TCF4: variants seen among roughly 807,000 people sequenced by gnomAD.
TCF4 encodes the protein transcription factor 4.
TCF4 carries 3 observed loss-of-function variants against 82.1 expected under a neutral mutation model. The ratio of observed to expected loss-of-function variants is 0.04; its 90% CI spans 0.02 to 0.09. The LOEUF (loss-of-function observed/expected upper bound fraction) is 0.09, where lower values mean the gene tolerates loss of function less well. Ranked by LOEUF, TCF4 falls within the 10% of genes least tolerant of loss-of-function variation. The pLI is 1.00. For missense variants in TCF4, 518 were observed against 852.7 expected (o/e 0.61, Z 4.89); for synonymous variants, 276 against 309.6 (o/e 0.89, Z 1.14).
intron 14 of TCF4, among the ~76,000 whole-genome samples, chr18:55,256,525 C>A (rs2056883815): frequency 6.6e-6 from 1 of 152,016 alleles, no homozygotes; most frequent in Non-Finnish European, 1.5e-5. Context: ...TTCAGATTTT[C>A]CTTAAGATTA....
chr18:55,491,638 C>T (rs552176588), intron 3 of TCF4, among the ~76,000 whole-genome samples: 23 of 152,248 alleles, frequency 1.5e-4, no homozygotes, highest in Admixed American at 2.6e-4. Flanking sequence ...TCACATACCG[C>T]GCTCACACAC....
At chr18:55,249,142 T>G (rs1020698536) in intron 15 of TCF4, among the ~76,000 whole-genome samples, 2 of 152,182 alleles carry the variant, frequency 1.3e-5, no homozygotes, top group Non-Finnish European at 2.9e-5. Flanking sequence ...TGGGCTGATT[T>G]CCAGGGTACT....
rs560098914 is a variant in TCF4 at position 55,371,715 on chromosome 18, A to T, written c.370-20712T>A. On this transcript the variant is annotated intron_variant, in intron 6 of 19. Transcript: ENST00000354452. ...TTCCACTGGGAAGTCTGACATAGAG[A>T]CGCCTCTCCCCAGGTTCCTCTGCAC... Among the ~76,000 whole-genome samples the T allele has an allele frequency of 3.7e-4, 56 of 152,150 alleles. No homozygotes were observed. The South Asian group carries it at 0.011, about 31-fold the overall frequency.
intron 8 of TCF4, chr18:55,302,641 C>T: frequency 4.7e-6 from 7 of 1,494,342 alleles, no homozygotes; most frequent in Non-Finnish European, 3.6e-6. Context: ...CCGCAGATGT[C>T]CGCTGTGAGG....
intron 13 of TCF4, among the ~76,000 whole-genome samples, chr18:55,258,451 T>C (rs2057363482): frequency 6.6e-6 from 1 of 152,120 alleles, no homozygotes; most frequent in South Asian, 2.1e-4. Flanking sequence ...TGACTGTGCA[T>C]CCTAATTTTT....
At chr18:55,294,008 C>T (rs1382327005) in intron 8 of TCF4, among the ~76,000 whole-genome samples, 1 of 122,796 alleles carries the variant, frequency 8.1e-6, no homozygotes, top group African/African-American at 3.1e-5. Context: ...GCCTGTAATC[C>T]CAGGACTTTG....
At position 55,260,045 on chromosome 18, in the gene TCF4, A is replaced by G. The variant is rs752369377; in HGVS notation, c.991-18T>C. 11 of 1,498,412 alleles carry G rather than the reference A, an allele frequency of 7.3e-6. No individual in the cohort carries two copies. The highest frequency in any genetic ancestry group is 1.0e-5 in the Non-Finnish European group (11 of 1,086,100). The allele number at this position is 1,498,412 out of a possible 1,614,324, so 92.8% of individuals were successfully genotyped here. On this transcript the variant is annotated intron_variant, in intron 12 of 19. Transcript: ENST00000354452. The stretch of plus-strand genomic sequence containing the variant: ...GAATAGATCTTAAAACAATAAGGAG[A>G]AAAAAAAAACACCCTCATTCATTAA...
intron 6 of TCF4, among the ~76,000 whole-genome samples, chr18:55,385,362 T>C (rs765656036): frequency 2.0e-5 from 3 of 152,214 alleles, no homozygotes; most frequent in Non-Finnish European, 4.4e-5. Context: ...AAGAGGCCAA[T>C]CTGCCTGCCA....
chr18:55,593,668 G>GTGTTAAAATAAACA (rs1383901387), intron 2 of TCF4, among the ~76,000 whole-genome samples: 3 of 152,020 alleles, frequency 2.0e-5, no homozygotes, highest in Admixed American at 2.0e-4. Flanking sequence ...TGTTCTCCCC[G>GTGTTAAAATAAACA]AGTCCCACCT....
intron 3 of TCF4, among the ~76,000 whole-genome samples, chr18:55,481,850 A>T (rs557853458): frequency 2.0e-5 from 3 of 152,226 alleles, no homozygotes; most frequent in Non-Finnish European, 4.4e-5. Flanking sequence ...CGTTATGAAC[A>T]ATCTTTAAAT....
chr18:55,251,744 T>C (rs1280589383), intron 15 of TCF4, among the ~76,000 whole-genome samples: 5 of 152,136 alleles, frequency 3.3e-5, no homozygotes, highest in African/African-American at 7.2e-5. Flanking sequence ...CGAAGGTGTG[T>C]AGTTGGGAAT....
chr18:55,583,290 T>C (rs1201431766), intron 3 of TCF4, among the ~76,000 whole-genome samples: 1 of 152,158 alleles, frequency 6.6e-6, no homozygotes, highest in African/African-American at 2.4e-5. Flanking sequence ...ACATGACTTA[T>C]TAAGAGTGAA....
chr18:55,236,489 C>G (rs923310351), intron 15 of TCF4, among the ~76,000 whole-genome samples: 1 of 151,686 alleles, frequency 6.6e-6, no homozygotes, highest in African/African-American at 2.4e-5. Context: ...ACCCTGTTGC[C>G]TGCCACACCA....
intron 8 of TCF4, among the ~76,000 whole-genome samples, chr18:55,302,788 G>T: frequency 6.6e-6 from 1 of 152,158 alleles, no homozygotes; most frequent in South Asian, 2.1e-4. Flanking sequence ...TCTGGAGCCC[G>T]TTTAGCAGCT....
At chr18:55,582,740 T>C (rs1484952857) in intron 3 of TCF4, among the ~76,000 whole-genome samples, 2 of 152,156 alleles carry the variant, frequency 1.3e-5, no homozygotes, top group African/African-American at 4.8e-5. Context: ...ATGCCTCACT[T>C]TGAAAAACCA....
chr18:55,368,477 A>T (rs770196306), intron 6 of TCF4, among the ~76,000 whole-genome samples: 1 of 152,210 alleles, frequency 6.6e-6, no homozygotes, highest in Non-Finnish European at 1.5e-5. Flanking sequence ...TCACCTAGAC[A>T]TTCATACACT....
intron 8 of TCF4, among the ~76,000 whole-genome samples, chr18:55,336,635 G>A (rs1014504171): frequency 5.9e-5 from 9 of 152,098 alleles, no homozygotes; most frequent in African/African-American, 2.2e-4. Flanking sequence ...GACATATGCT[G>A]TATAATTAGG....
At chr18:55,468,859 C>A in intron 3 of TCF4, among the ~76,000 whole-genome samples, 1 of 147,010 alleles carries the variant, frequency 6.8e-6, no homozygotes, top group Admixed American at 6.9e-5. Context: ...TGGGATGAAG[C>A]TGCTGAATCT....
chr18:55,630,069 C>T (rs2097730161), intron 2 of TCF4, among the ~76,000 whole-genome samples: 1 of 152,062 alleles, frequency 6.6e-6, no homozygotes, highest in Non-Finnish European at 1.5e-5. Context: ...ATTTTGAGCA[C>T]CATCTGAAGA....
Sources: allele counts gnomAD v4.1 joint callset (sites outside exome capture counted in the v4.1 genomes callset), GRCh38; gene constraint gnomAD v4.1.1; transcripts MANE v1.5; gene names NCBI Gene and HGNC (gene_info 2026-07-23, HGNC 2026-07-21).